IFI16: variants seen among roughly 807,000 people sequenced by gnomAD.
IFI16 encodes interferon gamma inducible protein 16, also known as gamma-interferon-inducible protein 16.
In IFI16, 49 loss-of-function variants were observed where a neutral mutation model predicts 68.4. The observed-to-expected ratio is 0.72, with a 90% CI of 0.57 to 0.91. IFI16 has a LOEUF of 0.91. Ranked by LOEUF, IFI16 falls within the 40% of genes least tolerant of loss-of-function variation. The probability of loss-of-function intolerance (pLI) is 0.00; values close to 1 mark genes in which losing one functional copy is unlikely to be tolerated. For missense variants in IFI16, 878 were observed against 942.9 expected, an observed-to-expected ratio of 0.93 and a Z score of 0.90; for synonymous variants, 307 against 315.0, an observed-to-expected ratio of 0.97 and a Z score of 0.27.
chr1:159,010,840 G>T (rs1257512044), intron 1 of IFI16, among the ~76,000 whole-genome samples: 1 of 152,128 alleles, frequency 6.6e-6, no homozygotes, highest in African/African-American at 2.4e-5. Flanking sequence ...GTATAGGGGA[G>T]TGGAGGGGAA....
intron 8 of IFI16, among the ~76,000 whole-genome samples, chr1:159,045,679 T>A (rs1358878281): frequency 6.6e-6 from 1 of 151,382 alleles, no homozygotes; most frequent in Non-Finnish European, 1.5e-5. Flanking sequence ...TAATTAGATA[T>A]CTTTTTAATT....
At position 159,018,592 on chromosome 1, in the gene IFI16, G is replaced by C. The variant is rs1198056643; in HGVS notation, c.913G>C (p.Asp305His). ...INRAKETLKI[D>H]ILHKQASGNI... is the part of the protein sequence containing the mutation. ...CAGAGCAAAGGAAACTCTGAAGATTGATATTCTTCACAAACAAGCTTCAGG... is the reference window on the plus strand; with the variant it reads ...CAGAGCAAAGGAAACTCTGAAGATTCATATTCTTCACAAACAAGCTTCAGG... The change falls in exon 5 of 12, where the codon GAT becomes CAT. Residue 305 changes from aspartate (D) to histidine (H), a missense_variant. Coordinates refer to ENST00000295809, the MANE Select transcript of IFI16 (RefSeq NM_001376587.1). 6.2e-7 allele frequency: 1 copy of C among 1,612,968 alleles called. No homozygotes were observed. The highest frequency in any genetic ancestry group is 8.5e-7 in the Non-Finnish European group (1 of 1,179,176).
At position 159,051,915 on chromosome 1, in the gene IFI16, T is replaced by C. The variant is rs199561435; in HGVS notation, c.1902T>C (p.Asn634=). Residue 634 remains asparagine, a synonymous_variant, in exon 10 of 12, where the codon AAT becomes AAC. Transcript: ENST00000295809. ...CAAAGAAGATCATTGCCATAGCAAA[T>C]TATGTTTGCCGCAATGGGTTCCTGG... ...FTPKKIIAIA[N]YVCRNGFLEV... is the part of the protein sequence containing the mutation. The C allele has an allele frequency of 2.1e-5, 34 of 1,613,942 alleles. No individual in the cohort carries two copies. In the Admixed American group the frequency reaches 4.2e-4, roughly 20 times the overall value.
chr1:159,037,236 A>G (rs1446254251), intron 7 of IFI16, among the ~76,000 whole-genome samples: 5 of 152,346 alleles, frequency 3.3e-5, no homozygotes, highest in South Asian at 2.1e-4. Flanking sequence ...AGGAATCATT[A>G]TGCTGTGCCT....
At chr1:159,016,262 A>G (rs1652917714) in intron 3 of IFI16, among the ~76,000 whole-genome samples, 1 of 152,210 alleles carries the variant, frequency 6.6e-6, no homozygotes, top group Non-Finnish European at 1.5e-5. Flanking sequence ...TACTTTGTCC[A>G]TGTGTATAAA....
intron 1 of IFI16, among the ~76,000 whole-genome samples, chr1:159,000,647 ATT>A (rs1224672487): frequency 6.6e-6 from 1 of 152,190 alleles, no homozygotes; most frequent in Non-Finnish European, 1.5e-5. Flanking sequence ...TGCAATTTAA[ATT>A]TTTTGACATG....
chr1:159,031,806 A>G (rs113951700), intron 6 of IFI16, among the ~76,000 whole-genome samples: 2,075 of 152,316 alleles, frequency 0.014, 23 homozygotes, highest in Non-Finnish European at 0.018. Flanking sequence ...GATGTTCCTC[A>G]TAGGCTTCAA....
intron 7 of IFI16, among the ~76,000 whole-genome samples, chr1:159,035,622 T>C (rs1654275630): frequency 1.3e-5 from 1 of 78,664 alleles, no homozygotes; most frequent in Non-Finnish European, 2.5e-5. Context: ...GTTGTCTGTC[T>C]AACTACTTTC....
chr1:159,023,439 T>C (rs1653462805), intron 6 of IFI16, among the ~76,000 whole-genome samples: 1 of 151,970 alleles, frequency 6.6e-6, no homozygotes, highest in Non-Finnish European at 1.5e-5. Flanking sequence ...ATATAGTTTA[T>C]TTAGTCTACT....
intron 8 of IFI16, among the ~76,000 whole-genome samples, chr1:159,045,697 C>T (rs928046831): frequency 2.0e-5 from 3 of 151,058 alleles, no homozygotes; most frequent in Admixed American, 6.6e-5. Context: ...ATTTTATTTT[C>T]CTTTTGGCTT....
intron 6 of IFI16, among the ~76,000 whole-genome samples, chr1:159,029,118 T>C (rs943248141): frequency 2.0e-5 from 3 of 152,242 alleles, no homozygotes; most frequent in African/African-American, 7.2e-5. Flanking sequence ...TTTTATGTTC[T>C]ATTTTGGTGT....
At chr1:159,003,029 G>C (rs1652117061), upstream of IFI16, among the ~76,000 whole-genome samples, 1 of 152,164 alleles carries the variant, frequency 6.6e-6, no homozygotes, top group Non-Finnish European at 1.5e-5. Flanking sequence ...AGACAGCAAG[G>C]TTAAGAAGGC....
intron 7 of IFI16, among the ~76,000 whole-genome samples, chr1:159,044,310 G>A (rs1476705307): frequency 6.6e-6 from 1 of 152,178 alleles, no homozygotes; most frequent in South Asian, 2.1e-4. Context: ...AACCTTTAAT[G>A]AGCATAGATT....
At chr1:159,025,081 G>A (rs766783569) in intron 6 of IFI16, among the ~76,000 whole-genome samples, 1 of 152,012 alleles carries the variant, frequency 6.6e-6, no homozygotes, top group Non-Finnish European at 1.5e-5. Flanking sequence ...GGTGGTACCT[G>A]TGCTAAAAGA....
chr1:159,008,510 T>C (rs1369909749), upstream of IFI16, among the ~76,000 whole-genome samples: 5 of 152,206 alleles, frequency 3.3e-5, no homozygotes, highest in East Asian at 1.9e-4. Context: ...GGAGTCCCAA[T>C]TGAGGACATT....
In IFI16 at chr1:159,018,650, A is replaced by T. The variant is rs778829652; in HGVS notation, c.971A>T (p.Lys324Met). The T allele has an allele frequency of 9.5e-6, 15 of 1,582,988 alleles. No individual in the cohort carries two copies. Among genetic ancestry groups the T allele is most frequent in the Non-Finnish European group, 6.9e-6 (8 of 1,165,740 alleles). ...GTATATGGGGTATTTATGCTACATA[A>T]GGTAAGTCCTCAAAATTGTTTCGTT... ...NIVYGVFMLH[K>M]KTVNQKTTIY... Residue 324 changes from lysine (K) to methionine (M), a missense_variant and splice_region_variant, in exon 5 of 12, where the codon AAG (lysine) becomes ATG (methionine). Lys to Met is a moderately conservative substitution (Grantham distance 95). This residue lies in a region of IFI16 where 443 missense variants were observed against 421.8 expected (regional missense o/e 1.05). Coordinates refer to ENST00000295809, the MANE Select transcript of IFI16 (RefSeq NM_001376587.1).
intron 8 of IFI16, among the ~76,000 whole-genome samples, chr1:159,046,571 C>T (rs1654998009): frequency 6.6e-6 from 1 of 151,184 alleles, no homozygotes; most frequent in Admixed American, 6.6e-5. Flanking sequence ...ATATGTTCAT[C>T]CTCTACATTC....
chr1:159,048,207 G>A (rs1277543205), intron 8 of IFI16, among the ~76,000 whole-genome samples: 14 of 151,284 alleles, frequency 9.3e-5, no homozygotes, highest in Non-Finnish European at 1.5e-4. Flanking sequence ...CTAATAGATC[G>A]TGGAAAAATA....
chr1:159,049,773 T>A (rs1299048365), intron 9 of IFI16, among the ~76,000 whole-genome samples, 174 bp downstream of exon 9: 1 of 152,260 alleles, frequency 6.6e-6, no homozygotes, highest in African/African-American at 2.4e-5. Flanking sequence ...ATTAAAATTC[T>A]GTTTTTATCA....
Sources: gnomAD v4.1 joint callset for allele counts (sites outside exome capture counted in the v4.1 genomes callset) on GRCh38, gnomAD v4.1.1 for gene constraint, gnomAD v4.1.1 regional missense constraint, MANE v1.5 for transcripts, NCBI Gene and HGNC (gene_info 2026-07-23, HGNC 2026-07-21) for gene names.